PRRG1: variants seen among roughly 807,000 people sequenced by gnomAD.
The protein encoded by PRRG1 is transmembrane gamma-carboxyglutamic acid protein 1.
PRRG1 carries 5 observed loss-of-function variants against 11.8 expected under a neutral mutation model. The observed-to-expected ratio is 0.42, with a 90% confidence interval of 0.22 to 0.89. PRRG1 has a LOEUF of 0.89. PRRG1 is among the 40% of genes least tolerant of loss of function. The pLI is 0.28. For missense variants in PRRG1, 155 were observed against 166.1 expected, an observed-to-expected ratio of 0.93 and a Z score of 0.37; for synonymous variants, 66 against 60.4, an observed-to-expected ratio of 1.09 and a Z score of -0.43.
At chrX:37,450,307 C>T (rs1035590160) in intron 3 of PRRG1, among the ~76,000 whole-genome samples, 3 of 111,874 alleles carry the variant, frequency 2.7e-5, no homozygotes, top group African/African-American at 9.7e-5. Flanking sequence ...TCCTCATCTG[C>T]AAAGTGAGGA....
At chrX:37,358,200 C>G (rs2146920575) in intron 1 of PRRG1, among the ~76,000 whole-genome samples, 1 of 111,373 alleles carries the variant, frequency 9.0e-6, no homozygotes, top group Non-Finnish European at 1.9e-5. Flanking sequence ...CAGTCTGTGG[C>G]TTGACTTCTC....
intron 1 of PRRG1, among the ~76,000 whole-genome samples, chrX:37,361,706 C>G (rs1424666613): frequency 9.0e-6 from 1 of 111,590 alleles, no homozygotes. Context: ...CCTCCTTTTT[C>G]AGTGACAAAG....
intron 3 of PRRG1, among the ~76,000 whole-genome samples, chrX:37,444,350 CT>C (rs1933036588): frequency 8.9e-6 from 1 of 111,930 alleles, no homozygotes; most frequent in Non-Finnish European, 1.9e-5. Context: ...TACTTTCATA[CT>C]TTGGAGAGAG....
intron 1 of PRRG1, among the ~76,000 whole-genome samples, chrX:37,403,015 C>G (rs1425574523): frequency 9.0e-6 from 1 of 110,530 alleles, no homozygotes; most frequent in Non-Finnish European, 1.9e-5. Flanking sequence ...AATAGGAACA[C>G]TTTTACACTG....
chrX:37,388,810 G>T (rs1386135989), intron 1 of PRRG1, among the ~76,000 whole-genome samples: 2 of 112,888 alleles, frequency 1.8e-5, no homozygotes, highest in African/African-American at 3.2e-5. Context: ...CAGCCTTCTT[G>T]AATTCTTCTC....
intron 2 of PRRG1, among the ~76,000 whole-genome samples, chrX:37,407,059 A>G (rs1932207339): frequency 8.9e-6 from 1 of 112,183 alleles, no homozygotes; most frequent in Admixed American, 9.4e-5. Context: ...TTTCTATGTA[A>G]GGCTTACTGC....
intron 3 of PRRG1, among the ~76,000 whole-genome samples, chrX:37,450,860 G>A (rs1233361697): frequency 8.9e-6 from 1 of 111,964 alleles, no homozygotes; most frequent in Non-Finnish European, 1.9e-5. Flanking sequence ...TATTTTTTAG[G>A]AGTGCAACTG....
intron 1 of PRRG1, among the ~76,000 whole-genome samples, chrX:37,384,187 A>G (rs1556374539): frequency 2.7e-5 from 3 of 111,623 alleles, no homozygotes; most frequent in Non-Finnish European, 5.7e-5. Flanking sequence ...TCCCGTTTGC[A>G]GAATATTTAC....
At position 37,453,293 on chromosome X, in the gene PRRG1, C is replaced by G. The variant is rs1556397092; in HGVS notation, c.329C>G (p.Thr110Ser). Residue 110 changes from threonine to serine, a missense_variant, in exon 4 of 4, where the codon ACT (threonine) becomes AGT (serine). Coordinates refer to ENST00000378628, the MANE Select transcript of PRRG1 (RefSeq NM_001142395.2). ...LIWRCFLRNK[T>S]RRQTVTEGHI... The stretch of plus-strand genomic sequence containing the variant: ...TGGAGATGCTTCCTAAGAAACAAAA[C>G]TCGTAGACAGACAGTGACTGAAGGC... 1.7e-6 allele frequency: 2 copies of G among 1,209,474 alleles called. No homozygotes were observed. The highest frequency in any genetic ancestry group is 4.4e-5 in the Admixed American group (2 of 45,940).
At chrX:37,374,945 G>A (rs1930889523) in intron 1 of PRRG1, among the ~76,000 whole-genome samples, 1 of 111,255 alleles carries the variant, frequency 9.0e-6, no homozygotes, top group Non-Finnish European at 1.9e-5. Flanking sequence ...GACCTTTAGT[G>A]TAAGGTTTTA....
intron 3 of PRRG1, among the ~76,000 whole-genome samples, chrX:37,442,917 A>G (rs1005964297): frequency 1.4e-4 from 16 of 112,253 alleles, no homozygotes; most frequent in African/African-American, 4.8e-4. Flanking sequence ...TATGGAAAAA[A>G]TATACCTCAG....
At chrX:37,395,094 G>A (rs1045524197) in intron 1 of PRRG1, among the ~76,000 whole-genome samples, 3 of 111,558 alleles carry the variant, frequency 2.7e-5, no homozygotes, top group Non-Finnish European at 5.6e-5. Flanking sequence ...CAAAGCCTGT[G>A]AAATTAGAGC....
intron 3 of PRRG1, among the ~76,000 whole-genome samples, chrX:37,429,157 A>C (rs984118571): frequency 9.1e-6 from 1 of 110,408 alleles, no homozygotes; most frequent in Admixed American, 9.5e-5. Flanking sequence ...TGCCTTGAAA[A>C]CCCATGACGT....
At chrX:37,406,135 G>A in intron 1 of PRRG1, 74 bp from the exon 2 acceptor site, 3 of 909,916 alleles carry the variant, frequency 3.3e-6, no homozygotes, top group Non-Finnish European at 4.7e-6. Context: ...CACATCAGCT[G>A]TACTGGAGCT....
chrX:37,417,746 A>G (rs782364563), intron 2 of PRRG1, among the ~76,000 whole-genome samples: 3 of 112,099 alleles, frequency 2.7e-5, no homozygotes, highest in Non-Finnish European at 3.8e-5. Context: ...TGAAGGCATT[A>G]TATGCAGACA....
At chrX:37,381,228 C>T (rs940098168) in intron 1 of PRRG1, among the ~76,000 whole-genome samples, 2 of 111,604 alleles carry the variant, frequency 1.8e-5, no homozygotes, top group Admixed American at 9.6e-5. Flanking sequence ...TCGATTGTGT[C>T]TAAGTTGTTT....
chrX:37,445,767 A>G (rs1266096738), intron 3 of PRRG1, among the ~76,000 whole-genome samples: 1 of 112,812 alleles, frequency 8.9e-6, no homozygotes, highest in Non-Finnish European at 1.9e-5. Context: ...TGGAAACAAT[A>G]TGGCCTAAAA....
At chrX:37,372,351 T>G (rs1930789903) in intron 1 of PRRG1, among the ~76,000 whole-genome samples, 1 of 112,350 alleles carries the variant, frequency 8.9e-6, no homozygotes, top group Non-Finnish European at 1.9e-5. Flanking sequence ...TTGCCCAGGC[T>G]GGAGTGCGGT....
At position 37,453,730 on chromosome X, in the gene PRRG1, C is replaced by A; in HGVS notation, c.*109C>A. 1 of 743,954 alleles carries A rather than the reference C, an allele frequency of 1.3e-6. No homozygotes were observed. The highest frequency in any genetic ancestry group is 1.8e-6 in the Non-Finnish European group (1 of 547,083). The allele number at this position is 743,954 out of a possible 1,213,427, so 61.3% of individuals were successfully genotyped here. On this transcript the variant is annotated 3_prime_UTR_variant, in exon 4 of 4. Transcript: ENST00000378628. ...ATTGACTTATTTTATTGGACTCTTA[C>A]CGCATACCACTTCACACTTGTTTTA...
Sources: gnomAD v4.1 joint callset for allele counts (sites outside exome capture counted in the v4.1 genomes callset) on GRCh38, gnomAD v4.1.1 for gene constraint, MANE v1.5 for transcripts, NCBI Gene and HGNC (gene_info 2026-07-23, HGNC 2026-07-21) for gene names.